MARK3: variants seen among roughly 807,000 people sequenced by gnomAD.
MARK3 encodes MAP/microtubule affinity-regulating kinase 3.
A neutral mutation model predicts 90.1 loss-of-function variants in MARK3; 46 were observed. The observed-to-expected ratio is 0.51, with a 90% CI of 0.40 to 0.65. MARK3 has a LOEUF of 0.65. Among genes scored for constraint, MARK3 ranks in the 30% least tolerant of loss-of-function variants. The pLI, the probability that MARK3 is intolerant of heterozygous loss-of-function variation, is 0.00. For missense variants in MARK3, 818 were observed against 947.2 expected, an observed-to-expected ratio of 0.86 and a Z score of 1.79; for synonymous variants, 321 against 332.6, an observed-to-expected ratio of 0.97 and a Z score of 0.38.
rs1352064539 is a variant in MARK3, at chr14:103,502,915, CAAAG to C, written c.1953_1956del (p.Glu652GlnfsTer12). On this transcript the variant is annotated frameshift_variant, in exon 18 of 18. Transcript: ENST00000429436. LOFTEE classifies it high-confidence loss of function. ...TATCTGCTGAGCAAAAAGATGAAAA[CAAAG>C]AAGCAAAGCCTCGATCCCTACGCTT... 2 of 1,612,818 alleles carry C rather than the reference CAAAG, an allele frequency of 1.2e-6. No individual in the cohort carries two copies. The highest frequency in any genetic ancestry group is 1.7e-6 in the Non-Finnish European group (2 of 1,178,902).
intron 14 of MARK3, among the ~76,000 whole-genome samples, chr14:103,481,757 CTTTTTT>C (rs71126030): frequency 1.2e-4 from 6 of 49,804 alleles, no homozygotes; most frequent in South Asian, 1.2e-3. Context: ...ATAGGTATTT[CTTTTTT>C]TTTTTTTTTT....
At chr14:103,434,080 A>G (rs1045368795) in intron 3 of MARK3, among the ~76,000 whole-genome samples, 12 of 152,140 alleles carry the variant, frequency 7.9e-5, no homozygotes, top group Non-Finnish European at 1.3e-4. Context: ...ACCATTTGAC[A>G]TCTGATAGGT....
chr14:103,454,181 A>G (rs1257733322), intron 5 of MARK3, among the ~76,000 whole-genome samples: 1 of 152,058 alleles, frequency 6.6e-6, no homozygotes, highest in African/African-American at 2.4e-5. Context: ...CTGAGGGCTC[A>G]GTGCACTTGG....
chr14:103,493,054 G>T (rs1431047848), intron 15 of MARK3, among the ~76,000 whole-genome samples: 1 of 152,100 alleles, frequency 6.6e-6, no homozygotes, highest in Non-Finnish European at 1.5e-5. Flanking sequence ...AGTCTGAAAT[G>T]ATCAGTACCC....
At chr14:103,481,757 C>CTGTTTTTTTTTTTTTTTT (rs2093823882) in intron 14 of MARK3, among the ~76,000 whole-genome samples, 1 of 49,778 alleles carries the variant, frequency 2.0e-5, no homozygotes, top group Non-Finnish European at 3.3e-5. Flanking sequence ...ATAGGTATTT[C>CTGTTTTTTTTTTTTTTTT]TTTTTTTTTT....
At chr14:103,456,205 C>T (rs527732695) in intron 5 of MARK3, among the ~76,000 whole-genome samples, 7 of 152,340 alleles carry the variant, frequency 4.6e-5, no homozygotes, top group East Asian at 1.9e-4. Flanking sequence ...CTCTAGTCCC[C>T]GTCACTTTCA....
chr14:103,498,022 G>C (rs2075439508), intron 15 of MARK3, among the ~76,000 whole-genome samples: 1 of 152,110 alleles, frequency 6.6e-6, no homozygotes, highest in African/African-American at 2.4e-5. Context: ...TTCGAGACTA[G>C]ACTGGCCAAC....
Position 103,385,464 on chromosome 14 carries a change from C to T in MARK3, c.-566C>T, listed in dbSNP as rs1279212051. ...GGGGTGCGGCGGCGGCAGCGGCGGC[C>T]AGCAGGGCGGAGGCTGAGGCAGCAA... On this transcript the variant is annotated 5_prime_UTR_variant, in exon 1 of 18. Coordinates refer to ENST00000429436, the MANE Select transcript of MARK3 (RefSeq NM_001128918.3). The T allele has an allele frequency of 6.5e-6, 1 of 154,784 alleles. No individual in the cohort carries two copies. The highest frequency in any genetic ancestry group is 2.4e-5 in the African/African-American group (1 of 41,442). 9.6% of individuals were successfully genotyped at this position (154,784 alleles called of 1,614,324 possible).
At position 103,503,179 on chromosome 14, in the gene MARK3, A is replaced by G; in HGVS notation, c.2214A>G (p.Ile738Met). The change falls in exon 18 of 18, where the codon ATA becomes ATG. Residue 738 changes from isoleucine to methionine, a missense_variant. Ile to Met is a conservative substitution (Grantham distance 10). Coordinates refer to ENST00000429436, the MANE Select transcript of MARK3 (RefSeq NM_001128918.3). ...VRFKRISGTS[I>M]AFKNIASKIA... ...TTAAGCGGATATCGGGGACATCCAT[A>G]GCCTTCAAAAATATTGCTTCCAAAA... 1 of 1,613,498 alleles carries G rather than the reference A, an allele frequency of 6.2e-7. No homozygotes were observed. Among genetic ancestry groups the G allele is most frequent in the Non-Finnish European group, 8.5e-7 (1 of 1,179,448 alleles).
At chr14:103,478,739 A>G (rs1199505089) in intron 13 of MARK3, among the ~76,000 whole-genome samples, 6 of 151,864 alleles carry the variant, frequency 4.0e-5, no homozygotes, top group African/African-American at 1.5e-4. Flanking sequence ...GGGTTTCTCC[A>G]TGTTGGTCAG....
chr14:103,470,581 G>A (rs566650065), intron 12 of MARK3, among the ~76,000 whole-genome samples: 7 of 148,698 alleles, frequency 4.7e-5, no homozygotes, highest in Non-Finnish European at 7.4e-5. Flanking sequence ...TCAGCCTCCC[G>A]AGTAGCTGGG....
chr14:103,392,491 C>G (rs973522743), intron 1 of MARK3, among the ~76,000 whole-genome samples: 2 of 152,084 alleles, frequency 1.3e-5, no homozygotes, highest in African/African-American at 4.8e-5. Context: ...CCGGGGACCA[C>G]TCTTAAGAAT....
intron 4 of MARK3, among the ~76,000 whole-genome samples, chr14:103,451,041 C>T (rs1488123333): frequency 6.6e-6 from 1 of 150,488 alleles, no homozygotes; most frequent in Non-Finnish European, 1.5e-5. Flanking sequence ...GGCCATTCTC[C>T]CACCTCAGCC....
intron 5 of MARK3, among the ~76,000 whole-genome samples, chr14:103,452,692 C>T (rs1278403805): frequency 2.6e-5 from 4 of 151,570 alleles, no homozygotes; most frequent in African/African-American, 7.3e-5. Context: ...AGGATGGTCT[C>T]GATCTCCTGA....
chr14:103,472,209 CAA>C (rs35696641), intron 12 of MARK3, among the ~76,000 whole-genome samples: 5 of 96,786 alleles, frequency 5.2e-5, no homozygotes, highest in African/African-American at 5.1e-5. Context: ...GACTCCGTCT[CAA>C]AAAAAAAAAA....
chr14:103,451,504 A>G (rs144976943), intron 4 of MARK3, among the ~76,000 whole-genome samples: 29 of 152,356 alleles, frequency 1.9e-4, no homozygotes, highest in Non-Finnish European at 2.6e-4. Flanking sequence ...CCTTAAAGCC[A>G]TAATCATAAG....
intron 1 of MARK3, among the ~76,000 whole-genome samples, chr14:103,404,801 G>A (rs1416837178): frequency 6.6e-6 from 1 of 152,130 alleles, no homozygotes; most frequent in Non-Finnish European, 1.5e-5. Context: ...TAACCAGAAG[G>A]TAGCCCTTTT....
intron 1 of MARK3, among the ~76,000 whole-genome samples, chr14:103,395,734 A>G (rs2090538944): frequency 6.6e-6 from 1 of 152,216 alleles, no homozygotes; most frequent in Admixed American, 6.5e-5. Flanking sequence ...TTTTGGCTGC[A>G]TATAGAATTC....
intron 13 of MARK3, among the ~76,000 whole-genome samples, chr14:103,479,227 C>T (rs2093773989): frequency 6.6e-6 from 1 of 151,954 alleles, no homozygotes; most frequent in African/African-American, 2.4e-5. Context: ...TGAGGTCTCC[C>T]TATGTAGCCC....
Sources: allele counts gnomAD v4.1 joint callset (sites outside exome capture counted in the v4.1 genomes callset), GRCh38; gene constraint gnomAD v4.1.1; transcripts MANE v1.5; gene names NCBI Gene and HGNC (gene_info 2026-07-23, HGNC 2026-07-21).